Variants in BAIAP3 observed in about 807,000 individuals in gnomAD.
BAIAP3 encodes BAI1-associated protein 3.
Under a neutral mutation model 149.7 loss-of-function variants are expected in BAIAP3, and 180 were observed. The observed-to-expected ratio is 1.20, with a 90% CI of 1.07 to 1.36. The LOEUF is 1.36. Ranked by LOEUF, BAIAP3 falls within the 40% of genes most tolerant of loss-of-function variation. BAIAP3 has a pLI of 0.00. For missense variants in BAIAP3, 1,767 were observed against 1,563.4 expected (o/e 1.13, Z -2.20); for synonymous variants, 845 against 670.7 (o/e 1.26, Z -4.02).
intron 1 of BAIAP3, chr16:1,336,506 C>A: frequency 1.7e-6 from 1 of 573,142 alleles, no homozygotes; most frequent in Non-Finnish European, 2.2e-6. Context: ...ACCCAGGGCT[C>A]GGGGGCTGGC....
chr16:1,339,611 C>T lies in BAIAP3; in HGVS notation c.408+8C>T, dbSNP rs1363176175. The T allele has an allele frequency of 4.4e-6, 7 of 1,605,430 alleles. No homozygotes were observed. Among genetic ancestry groups the T allele is most frequent in the Non-Finnish European group, 4.3e-6 (5 of 1,175,608 alleles). ...CTCAGCTATCTCCAGCAGGTCAGCCCACCCTGACCCCGACCCAGACCCTGA... is the reference window on the plus strand; with the variant it reads ...CTCAGCTATCTCCAGCAGGTCAGCCTACCCTGACCCCGACCCAGACCCTGA... On this transcript the variant is annotated splice_region_variant and intron_variant, in intron 5 of 33. Transcript: ENST00000426824.
In BAIAP3 at chr16:1,345,093, C is replaced by T. The variant is rs1329914697; in HGVS notation, c.1934C>T (p.Pro645Leu). The T allele has an allele frequency of 9.3e-6, 15 of 1,612,620 alleles. No individual in the cohort carries two copies. The highest frequency in any genetic ancestry group is 1.3e-5 in the Non-Finnish European group (15 of 1,179,972). The change falls in exon 21 of 34, where the codon CCT becomes CTT. Residue 645 changes from proline to leucine, a missense_variant. Coordinates refer to ENST00000426824, the MANE Select transcript of BAIAP3 (RefSeq NM_001199097.2). Reference sequence around the variant, plus strand: ...CTCCAGCGCTTCTGGGATAGCATCCCTGGCCGGTGGGTGCCCCGTCCCTAT... The same window carrying T: ...CTCCAGCGCTTCTGGGATAGCATCCTTGGCCGGTGGGTGCCCCGTCCCTAT... The part of the protein sequence containing the change: ...ADLQRFWDSI[P>L]GRDSRSLALA...
At chr16:1,334,513 C>A in intron 1 of BAIAP3, 2 of 664,610 alleles carry the variant, frequency 3.0e-6, no homozygotes, top group Non-Finnish European at 5.3e-6. Context: ...CAGACACGGG[C>A]GAGGGGAGGA....
chr16:1,340,562 CAG>C (rs558032607), intron 5 of BAIAP3, among the ~76,000 whole-genome samples: 10 of 152,168 alleles, frequency 6.6e-5, no homozygotes, highest in Non-Finnish European at 1.5e-4. Context: ...CAGGTGCACA[CAG>C]ACACACACAG....
chr16:1,345,442 A>AC (rs1239471830), intron 22 of BAIAP3, 70 bp downstream of exon 22: 29 of 1,382,098 alleles, frequency 2.1e-5, no homozygotes, highest in Non-Finnish European at 2.6e-5. Context: ...CTCCCCAGCA[A>AC]CCCCAGCCTC....
chr16:1,341,012 A>C, intron 6 of BAIAP3, 31 bp downstream of exon 6: 2 of 1,607,790 alleles, frequency 1.2e-6, no homozygotes, highest in Non-Finnish European at 1.7e-6. Flanking sequence ...GCAGGCACTG[A>C]CCAGCACGTG....
At chr16:1,346,819 G>GC (rs2034407171) in intron 27 of BAIAP3, 28 bp from the exon 28 acceptor site, 1 of 1,550,412 alleles carries the variant, frequency 6.4e-7, no homozygotes, top group Non-Finnish European at 8.7e-7. Context: ...GGTGGGGCTG[G>GC]CCCGTGGTCA....
In BAIAP3 at chr16:1,348,753, G is replaced by C. The variant is rs537196164; in HGVS notation, c.*271G>C. ...CAGGACACAGTGCAGGCCAGAGCGG[G>C]CTTGACCACCTGGTGGGCCTCCCTG... is the stretch of plus-strand genomic sequence containing the variant. On this transcript the variant is annotated 3_prime_UTR_variant, in exon 34 of 34. Coordinates refer to ENST00000426824, the MANE Select transcript of BAIAP3 (RefSeq NM_001199097.2). 9 of 533,486 alleles carry C rather than the reference G, an allele frequency of 1.7e-5. No individual in the cohort carries two copies. The highest frequency in any genetic ancestry group is 5.1e-4 in the Middle Eastern group (1 of 1,974). 33.0% of individuals were successfully genotyped at this position (533,486 alleles called of 1,614,324 possible).
At chr16:1,343,125 G>A in intron 14 of BAIAP3, 109 bp downstream of exon 14, 3 of 966,632 alleles carry the variant, frequency 3.1e-6, no homozygotes, top group African/African-American at 1.6e-5. Flanking sequence ...GTGGGGCAGG[G>A]AAAGGGGCGG....
Position 1,340,905 on chromosome 16 carries a change from C to T in BAIAP3, c.409-17C>T. 6.4e-7 allele frequency: 1 copy of T among 1,561,268 alleles called. No individual in the cohort carries two copies. On this transcript the variant is annotated splice_polypyrimidine_tract_variant and intron_variant, in intron 5 of 33. Coordinates refer to ENST00000426824, the MANE Select transcript of BAIAP3 (RefSeq NM_001199097.2). ...CAGGGGTTGCCTAGGCCCTGCCAAC[C>T]CAGCCACCCTCCACAGGTGTTTGGC...
chr16:1,337,327 C>T (rs1191900723), intron 1 of BAIAP3, among the ~76,000 whole-genome samples: 1 of 152,160 alleles, frequency 6.6e-6, no homozygotes, highest in Non-Finnish European at 1.5e-5. Flanking sequence ...ACCAGCCTGG[C>T]CAACATAGCG....
chr16:1,343,234 G>T (rs1567165726), intron 14 of BAIAP3, 159 bp from the exon 15 acceptor site: 1 of 1,224,552 alleles, frequency 8.2e-7, no homozygotes, highest in East Asian at 2.6e-5. Context: ...GAGTAGGTAC[G>T]GCAGCGCTAA....
intron 8 of BAIAP3, 144 bp from the exon 9 acceptor site, chr16:1,341,678 T>G (rs1434303220): frequency 1.7e-6 from 2 of 1,183,600 alleles, no homozygotes; most frequent in African/African-American, 3.1e-5. Flanking sequence ...TGGCAACACC[T>G]GGCGGGATCA....
chr16:1,346,365 G>A lies in BAIAP3; in HGVS notation c.2493+4G>A, dbSNP rs1397280100. ...GACAGCGCACCTGACCTCTAAGGTG[G>A]GTGGGGCCTGGAGACCAAGGCGTGG... On this transcript the variant is annotated splice_donor_region_variant and intron_variant, in intron 25 of 33. Transcript: ENST00000426824. 4 of 1,609,556 alleles carry A rather than the reference G, an allele frequency of 2.5e-6. No individual in the cohort carries two copies. Among genetic ancestry groups the A allele is most frequent in the African/African-American group, 1.3e-5 (1 of 74,998 alleles).
chr16:1,337,403 A>C (rs912421203), intron 1 of BAIAP3, among the ~76,000 whole-genome samples: 1 of 152,228 alleles, frequency 6.6e-6, no homozygotes, highest in Non-Finnish European at 1.5e-5. Flanking sequence ...CTGTAATCCC[A>C]GTTACTTGGG....
intron 28 of BAIAP3, 128 bp from the exon 29 acceptor site, chr16:1,347,170 T>C (rs2034434695): frequency 9.6e-7 from 1 of 1,045,048 alleles, no homozygotes; most frequent in African/African-American, 1.6e-5. Context: ...CGCCAGGGTG[T>C]GAGAAAGGGC....
chr16:1,340,374 GAC>G (rs1229656820), intron 5 of BAIAP3, among the ~76,000 whole-genome samples: 2 of 118,998 alleles, frequency 1.7e-5, no homozygotes, highest in African/African-American at 3.2e-5. Flanking sequence ...GGTGCACACA[GAC>G]ACGCACACAG....
chr16:1,338,473 C>CCCCGGGGGGGGG, intron 1 of BAIAP3, 67 bp from the exon 2 acceptor site: 2 of 1,091,542 alleles, frequency 1.8e-6, no homozygotes, highest in Non-Finnish European at 2.4e-6. Flanking sequence ...CCCACCCCCC[C>CCCCGGGGGGGGG]GCCTGCTGTG....
chr16:1,338,692 G>T lies in BAIAP3; in HGVS notation c.131+12G>T. 1 of 1,571,406 alleles carries T rather than the reference G, an allele frequency of 6.4e-7. No homozygotes were observed. Among genetic ancestry groups the T allele is most frequent in the African/African-American group, 1.3e-5 (1 of 74,188 alleles). On this transcript the variant is annotated intron_variant, in intron 2 of 33. Coordinates refer to ENST00000426824, the MANE Select transcript of BAIAP3 (RefSeq NM_001199097.2). ...GCCACGGGGGCCTGGTGGGTGCCGA[G>T]GGGCCCAGCCCCACACGCCCACAGG...
Sources: gnomAD v4.1 joint callset for allele counts (sites outside exome capture counted in the v4.1 genomes callset) on GRCh38, gnomAD v4.1.1 for gene constraint, MANE v1.5 for transcripts, NCBI Gene and HGNC (gene_info 2026-07-23, HGNC 2026-07-21) for gene names.